VPS13A: variants seen among roughly 807,000 people sequenced by gnomAD.
VPS13A encodes intermembrane lipid transfer protein VPS13A.
Under a neutral mutation model 390.9 loss-of-function variants are expected in VPS13A, and 264 were observed. That is an observed-to-expected ratio of 0.68 (90% CI 0.61 to 0.75). VPS13A has a LOEUF of 0.75. VPS13A is among the 30% of genes least tolerant of loss of function. The pLI is 0.00. For missense variants in VPS13A, 3,409 were observed against 3,733.9 expected (o/e 0.91, Z 2.27); for synonymous variants, 1,231 against 1,227.1 (o/e 1.00, Z -0.07).
rs776800156 is a variant in VPS13A at position 77,421,400 on chromosome 9, ATTGG to A, written c.*5399_*5402del. ...TATTCTTTTATTCCTCTCTCTAAAA[ATTGG>A]TTGGCCATGCTCACTAATGATTTTT... is the stretch of plus-strand genomic sequence containing the variant. On this transcript the variant is annotated 3_prime_UTR_variant, in exon 72 of 72. Transcript: ENST00000360280. 4 of 152,210 alleles carry A rather than the reference ATTGG, an allele frequency of 2.6e-5. No homozygotes were observed. The highest frequency in any genetic ancestry group is 5.9e-5 in the Non-Finnish European group (4 of 68,034). The allele number at this position is 152,210 out of a possible 1,614,324, so 9.4% of individuals were successfully genotyped here. A position where few individuals can be genotyped will look rare whatever the true frequency, so the allele number is the denominator to read the frequency against.
rs61562443 is a variant in VPS13A at position 77,377,203 on chromosome 9, G to GTT, written c.9078-4747_9078-4746dup. On this transcript the variant is annotated intron_variant, in intron 67 of 71. Coordinates refer to ENST00000360280, the MANE Select transcript of VPS13A (RefSeq NM_033305.3). ...CTTATTCCTAAGTATTTTTGATGCT[G>GTT]TTTTTTTTTTTTTTTTTTTTTTTTT... Among the ~76,000 whole-genome samples, 690 of 69,062 alleles carry GTT rather than the reference G, an allele frequency of 1.0e-2. 163 individuals carry two copies. Among genetic ancestry groups the GTT allele is most frequent in the East Asian group, 0.013 (24 of 1,900 alleles). The allele number at this position is 69,062 out of a possible 152,430, so 45.3% of individuals were successfully genotyped here.
rs1830601853 is a variant in VPS13A at position 77,337,537 on chromosome 9, G to C, written c.6378G>C (p.Glu2126Asp). 1 of 1,609,612 alleles carries C rather than the reference G, an allele frequency of 6.2e-7. No individual in the cohort carries two copies. Among genetic ancestry groups the C allele is most frequent in the Non-Finnish European group, 8.5e-7 (1 of 1,177,822 alleles). ...LLPYKIAYYI[E>D]GIENSVFTLS... ...CTTACAAAATTGCTTATTATATAGA[G>C]GTATCGGCAAACTGATTTAGTGCCT... The change falls in exon 47 of 72, where the codon GAG becomes GAC. Residue 2126 changes from glutamate to aspartate, a missense_variant and splice_region_variant. Around this residue, in one of 5 missense-constraint regions of VPS13A, gnomAD observed 2,717 missense variants for 2,917.4 expected, o/e 0.93. Transcript: ENST00000360280.
chr9:77,296,536 TTAAC>T lies in VPS13A; in HGVS notation c.3812+696_3812+699del, dbSNP rs376503691. 5.1e-4 allele frequency among the ~76,000 whole-genome samples: 78 copies of T among 152,308 alleles called. No homozygotes were observed. In the East Asian group the frequency reaches 0.014, roughly 27 times the overall value. On this transcript the variant is annotated intron_variant, in intron 33 of 71. Transcript: ENST00000360280. Reference sequence around the variant, plus strand: ...ACCTTATTTTTGTCTCATTTTTTACTTAACTAACTCCCATTCTCTACTTCTCTTT... The same window carrying T: ...ACCTTATTTTTGTCTCATTTTTTACTTAACTCCCATTCTCTACTTCTCTTT...
intron 31 of VPS13A, among the ~76,000 whole-genome samples, chr9:77,292,556 C>T (rs1290739583): frequency 6.6e-6 from 1 of 152,072 alleles, no homozygotes; most frequent in Admixed American, 6.6e-5. Context: ...TTCTTTTCAG[C>T]CCTGTCTTGT....
At chr9:77,241,159 C>A (rs1824465219) in intron 19 of VPS13A, among the ~76,000 whole-genome samples, 1 of 152,078 alleles carries the variant, frequency 6.6e-6, no homozygotes, top group Admixed American at 6.6e-5. Flanking sequence ...TGAATTTTAG[C>A]CTTTCTTACT....
chr9:77,302,368 C>CATTT (rs570357439), intron 33 of VPS13A, among the ~76,000 whole-genome samples: 1 of 117,816 alleles, frequency 8.5e-6, no homozygotes, highest in Non-Finnish European at 1.7e-5. Flanking sequence ...TATTTTTCCC[C>CATTT]TTTTTTTTTT....
chr9:77,252,251 A>G lies in VPS13A; in HGVS notation c.2187A>G (p.Glu729=). ...TGTACTTAGGTGATAATTGGAGAGAAGCACGAAAACTCAGTGTATCTACCC... is the reference window on the plus strand; with the variant it reads ...TGTACTTAGGTGATAATTGGAGAGAGGCACGAAAACTCAGTGTATCTACCC... ...LYSRVGDNWR[E]ARKLSVSTQH... The change falls in exon 22 of 72, where the codon GAA becomes GAG. Residue 729 remains glutamate (E), a synonymous_variant. Coordinates refer to ENST00000360280, the MANE Select transcript of VPS13A (RefSeq NM_033305.3). The G allele has an allele frequency of 6.2e-7, 1 of 1,613,772 alleles. No individual in the cohort carries two copies. The highest frequency in any genetic ancestry group is 1.3e-5 in the African/African-American group (1 of 75,060).
intron 2 of VPS13A, 69 bp from the exon 3 acceptor site, chr9:77,201,296 G>A (rs1288593523): frequency 7.5e-6 from 8 of 1,061,738 alleles, no homozygotes; most frequent in Non-Finnish European, 1.0e-5. Context: ...TGGAAGTAAA[G>A]AGTATTCATT....
chr9:77,382,818 G>C (rs1486199632), intron 68 of VPS13A: 13 of 985,238 alleles, frequency 1.3e-5, no homozygotes, highest in Non-Finnish European at 1.6e-5. Context: ...ATACAAAGTA[G>C]CATCTGGAAC....
At chr9:77,362,689 G>C (rs1832208717) in intron 59 of VPS13A, among the ~76,000 whole-genome samples, 1 of 152,152 alleles carries the variant, frequency 6.6e-6, no homozygotes, top group South Asian at 2.1e-4. Flanking sequence ...CATTGAATCT[G>C]TAAATCAATT....
rs772059013 is a variant in VPS13A at position 77,226,605 on chromosome 9, C to CCA, written c.1357+8_1357+9dup. ...CCAGATGTTCAACCTGAAAGTATGT[C>CCA]CATTTCATTTTACAGCATAGTTAAT... On this transcript the variant is annotated splice_region_variant and intron_variant, in intron 15 of 71. Transcript: ENST00000360280. The CCA allele has an allele frequency of 1.4e-5, 22 of 1,611,266 alleles. No individual in the cohort carries two copies. Among genetic ancestry groups the CCA allele is most frequent in the Non-Finnish European group, 1.9e-5 (22 of 1,178,312 alleles).
In VPS13A at chr9:77,351,305, C is replaced by G; in HGVS notation, c.7290-12C>G. On this transcript the variant is annotated splice_polypyrimidine_tract_variant and intron_variant, in intron 52 of 71. Coordinates refer to ENST00000360280, the MANE Select transcript of VPS13A (RefSeq NM_033305.3). ...GCATTTAATTTAACGCGTATTTTTG[C>G]TACTGTGTCAGTTCTCTCAGTGAAA... The G allele has an allele frequency of 6.2e-7, 1 of 1,612,128 alleles. No individual in the cohort carries two copies. The highest frequency in any genetic ancestry group is 8.5e-7 in the Non-Finnish European group (1 of 1,178,826).
chr9:77,266,640 TG>T (rs912431535), intron 23 of VPS13A, among the ~76,000 whole-genome samples: 2 of 152,120 alleles, frequency 1.3e-5, no homozygotes, highest in African/African-American at 4.8e-5. Flanking sequence ...TTATGTGTCT[TG>T]GGGTTGCTCT....
chr9:77,308,168 C>A, intron 35 of VPS13A, 70 bp downstream of exon 35: 1 of 1,519,704 alleles, frequency 6.6e-7, no homozygotes, highest in South Asian at 1.1e-5. Flanking sequence ...TTCTTCCCTC[C>A]CCTTCCTTCT....
chr9:77,370,173 C>G, intron 63 of VPS13A, 84 bp from the exon 64 acceptor site: 1 of 1,461,492 alleles, frequency 6.8e-7, no homozygotes, highest in Non-Finnish European at 9.5e-7. Context: ...TTGTTACTAC[C>G]TCTTTCGTCG....
Position 77,221,262 on chromosome 9 carries a change from G to A in VPS13A, c.1067G>A (p.Arg356Lys), listed in dbSNP as rs755051007. The A allele has an allele frequency of 8.7e-6, 14 of 1,613,330 alleles. No homozygotes were observed. Among genetic ancestry groups the A allele is most frequent in the Non-Finnish European group, 1.2e-5 (14 of 1,179,586 alleles). The change falls in exon 13 of 72, where the codon AGA (arginine) becomes AAA (lysine). Residue 356 changes from arginine to lysine, a missense_variant. Arg to Lys is a conservative substitution (Grantham distance 26). This residue lies in a region of VPS13A where 2,717 missense variants were observed against 2,917.4 expected (regional missense o/e 0.93). Coordinates refer to ENST00000360280, the MANE Select transcript of VPS13A (RefSeq NM_033305.3). ...TGGATGTGGTCATGGAAGCATATTA[G>A]AAAACATAGGCAAAAAGTGAAGCAA... ...RLWMWSWKHI[R>K]KHRQKVKQYK... is the part of the protein sequence containing the mutation.
chr9:77,338,301 T>C (rs1830642527), intron 47 of VPS13A: 1 of 152,168 alleles, frequency 6.6e-6, no homozygotes, highest in Non-Finnish European at 1.5e-5. Context: ...ATGTCTCTTT[T>C]GGAGGAAAAA....
Position 77,340,516 on chromosome 9 carries a change from G to A in VPS13A, c.6992G>A (p.Gly2331Glu). The part of the protein sequence containing the change: ...SKYHISVAEE[G>E]NDKWLSLDLE... ...TACCATATATCAGTGGCTGAAGAAG[G>A]AAATGATAAATGGCTCTCTCTTGAT... Residue 2331 changes from glycine (G) to glutamate (E), a missense_variant, in exon 50 of 72, where the codon GGA becomes GAA. Gly to Glu is a moderately conservative substitution (Grantham distance 98). Around this residue, in one of 5 missense-constraint regions of VPS13A, gnomAD observed 2,717 missense variants for 2,917.4 expected, o/e 0.93. Transcript: ENST00000360280. 6.2e-7 allele frequency: 1 copy of A among 1,613,058 alleles called. No individual in the cohort carries two copies. Among genetic ancestry groups the A allele is most frequent in the Non-Finnish European group, 8.5e-7 (1 of 1,179,686 alleles).
chr9:77,313,545 T>G (rs1829214550), intron 35 of VPS13A, among the ~76,000 whole-genome samples: 1 of 152,172 alleles, frequency 6.6e-6, no homozygotes, highest in Admixed American at 6.5e-5. Flanking sequence ...GATTCAAAAT[T>G]CAAATGTAGA....
Sources: gnomAD v4.1 joint callset for allele counts (sites outside exome capture counted in the v4.1 genomes callset) on GRCh38, gnomAD v4.1.1 for gene constraint, gnomAD v4.1.1 regional missense constraint, MANE v1.5 for transcripts, NCBI Gene and HGNC (gene_info 2026-07-23, HGNC 2026-07-21) for gene names.